The following DPYD variants were observed in gnomAD, a reference collection of about 807,000 sequenced individuals.
The protein encoded by DPYD is dihydropyrimidine dehydrogenase, also known as dihydropyrimidine dehydrogenase [NADP(+)].
Under a neutral mutation model 116.2 loss-of-function variants are expected in DPYD, and 109 were observed. That is an observed-to-expected ratio of 0.94 (90% confidence interval 0.80 to 1.10). The LOEUF is 1.10. Ranked by LOEUF, DPYD falls within the 50% of genes least tolerant of loss-of-function variation. DPYD has a pLI of 0.00. For synonymous variants in DPYD, 440 were observed against 432.0 expected (o/e 1.02, Z -0.23); for missense variants, 1,302 against 1,254.5 (o/e 1.04, Z -0.57).
intron 18 of DPYD, among the ~76,000 whole-genome samples, chr1:97,254,626 T>C (rs1007638986): frequency 6.6e-6 from 1 of 152,190 alleles, no homozygotes; most frequent in South Asian, 2.1e-4. Flanking sequence ...ATTAGATAGA[T>C]GGATGTATTT....
At chr1:97,159,884 T>G (rs1291129400) in intron 20 of DPYD, among the ~76,000 whole-genome samples, 1 of 152,048 alleles carries the variant, frequency 6.6e-6, no homozygotes, top group Non-Finnish European at 1.5e-5. Flanking sequence ...TGCCGCTAAA[T>G]AAATCCTATG....
At chr1:97,681,738 C>T (rs1660437647) in intron 7 of DPYD, among the ~76,000 whole-genome samples, 1 of 152,032 alleles carries the variant, frequency 6.6e-6, no homozygotes, top group Admixed American at 6.6e-5. Flanking sequence ...AATAATTTCG[C>T]TGTTTGTTTT....
At chr1:97,566,068 G>A (rs1466564484) in intron 11 of DPYD, among the ~76,000 whole-genome samples, 1 of 151,956 alleles carries the variant, frequency 6.6e-6, no homozygotes, top group East Asian at 1.9e-4. Context: ...TTCCACCCCC[G>A]TTCCACCTGG....
chr1:97,418,655 A>T (rs1443315655), intron 14 of DPYD, among the ~76,000 whole-genome samples: 1 of 152,178 alleles, frequency 6.6e-6, no homozygotes, highest in Non-Finnish European at 1.5e-5. Context: ...AAAATATGAC[A>T]AGAAAAAGTA....
chr1:97,836,097 AGCATCTG>A (rs756426744), intron 2 of DPYD, among the ~76,000 whole-genome samples: 1 of 152,142 alleles, frequency 6.6e-6, no homozygotes, highest in Admixed American at 6.5e-5. Flanking sequence ...TTTTTGCTGA[AGCATCTG>A]GCAATCCCTG....
At chr1:97,089,014 G>T (rs1369645664) in intron 21 of DPYD, among the ~76,000 whole-genome samples, 1 of 152,034 alleles carries the variant, frequency 6.6e-6, no homozygotes, top group Non-Finnish European at 1.5e-5. Flanking sequence ...AGTTTTATCT[G>T]AGTACTCTTC....
intron 15 of DPYD, among the ~76,000 whole-genome samples, chr1:97,377,054 C>T (rs916925156): frequency 2.7e-5 from 4 of 150,192 alleles, no homozygotes; most frequent in African/African-American, 9.7e-5. Context: ...GAAGCTAGAA[C>T]TCCAAAAAAT....
intron 2 of DPYD, among the ~76,000 whole-genome samples, chr1:97,834,378 GA>G (rs1346623404): frequency 2.8e-5 from 4 of 140,828 alleles, no homozygotes; most frequent in Admixed American, 7.1e-5. Context: ...TCCTTATTTT[GA>G]AAAAAAAAAG....
At chr1:97,281,097 A>C (rs1665294264) in intron 18 of DPYD, among the ~76,000 whole-genome samples, 1 of 152,180 alleles carries the variant, frequency 6.6e-6, no homozygotes, top group Non-Finnish European at 1.5e-5. Flanking sequence ...ATGATCAATA[A>C]AAAATAAGTT....
intron 18 of DPYD, among the ~76,000 whole-genome samples, chr1:97,238,050 C>A: frequency 6.6e-6 from 1 of 152,152 alleles, no homozygotes; most frequent in East Asian, 1.9e-4. Flanking sequence ...ACTTAAAGGG[C>A]AACATTATTA....
At chr1:97,399,911 T>C (rs1673268746) in intron 14 of DPYD, among the ~76,000 whole-genome samples, 2 of 152,190 alleles carry the variant, frequency 1.3e-5, no homozygotes, top group South Asian at 4.1e-4. Context: ...CAATTTGACT[T>C]ACTCTTTTCC....
intron 3 of DPYD, among the ~76,000 whole-genome samples, chr1:97,743,108 A>G (rs1664358491): frequency 6.6e-6 from 1 of 152,152 alleles, no homozygotes; most frequent in South Asian, 2.1e-4. Context: ...CAGTATTGAC[A>G]ATGTAAGGAT....
chr1:97,479,582 A>C lies in DPYD; in HGVS notation c.1741-29359T>G, dbSNP rs143350616. Among the ~76,000 whole-genome samples the C allele has an allele frequency of 6.0e-4, 92 of 152,340 alleles. 1 individual carries two copies. The East Asian group carries it at 0.016, about 27-fold the overall frequency. ...GTACTAAAAAAGTTTGAAACATTGC[A>C]AGAATTATCAAAATGTGGCACAGAG... is the stretch of plus-strand genomic sequence containing the variant. On this transcript the variant is annotated intron_variant, in intron 13 of 22. Transcript: ENST00000370192.
intron 14 of DPYD, among the ~76,000 whole-genome samples, chr1:97,402,738 C>G (rs1673441982): frequency 6.6e-6 from 1 of 152,020 alleles, no homozygotes; most frequent in African/African-American, 2.4e-5. Flanking sequence ...GTGATATTAG[C>G]TGAAGGTATT....
chr1:97,549,554 G>A lies in DPYD; in HGVS notation c.1524+6C>T. 12 of 1,613,562 alleles carry A rather than the reference G, an allele frequency of 7.4e-6. No homozygotes were observed. The highest frequency in any genetic ancestry group is 1.0e-5 in the Non-Finnish European group (12 of 1,179,650). On this transcript the variant is annotated splice_donor_region_variant and intron_variant, in intron 12 of 22. Transcript: ENST00000370192. ...GAATTAAGTGGAAATGATGGCAAAT[G>A]CCTACCTGTACGTATTTGTGAATGT...
At chr1:97,458,053 T>A (rs898157469) in intron 13 of DPYD, among the ~76,000 whole-genome samples, 36 of 152,218 alleles carry the variant, frequency 2.4e-4, no homozygotes, top group African/African-American at 8.7e-4. Flanking sequence ...AAATTTCTGC[T>A]GGCCTGCTTA....
At chr1:97,460,483 T>C (rs930723797) in intron 13 of DPYD, among the ~76,000 whole-genome samples, 11 of 152,122 alleles carry the variant, frequency 7.2e-5, no homozygotes, top group African/African-American at 1.7e-4. Flanking sequence ...TTTAGAGGCA[T>C]TGGGGCTCAA....
intron 2 of DPYD, among the ~76,000 whole-genome samples, chr1:97,866,954 T>G (rs1205648803): frequency 1.3e-5 from 2 of 151,810 alleles, no homozygotes; most frequent in African/African-American, 4.8e-5. Context: ...TAGGGGCTTG[T>G]AGGCTATAAT....
chr1:97,506,845 T>C (rs985943530), intron 13 of DPYD, among the ~76,000 whole-genome samples: 1 of 152,038 alleles, frequency 6.6e-6, no homozygotes, highest in Non-Finnish European at 1.5e-5. Flanking sequence ...AAATTGTGTT[T>C]GAAAGCATCT....
Sources: gnomAD v4.1 joint callset for allele counts (sites outside exome capture counted in the v4.1 genomes callset) on GRCh38, gnomAD v4.1.1 for gene constraint, MANE v1.5 for transcripts, NCBI Gene and HGNC (gene_info 2026-07-23, HGNC 2026-07-21) for gene names.